The following PRKCH variants were observed in gnomAD, a reference collection of about 807,000 sequenced individuals.
PRKCH encodes protein kinase C eta.
In PRKCH, 28 loss-of-function variants were observed where a neutral mutation model predicts 82.5. The ratio of observed to expected loss-of-function variants is 0.34; its 90% CI spans 0.25 to 0.47. The LOEUF is 0.47. Among genes scored for constraint, PRKCH ranks in the 20% least tolerant of loss-of-function variants. The pLI is 1.00. For missense variants in PRKCH, 705 were observed against 881.8 expected, an observed-to-expected ratio of 0.80 and a Z score of 2.54; for synonymous variants, 322 against 327.4, an observed-to-expected ratio of 0.98 and a Z score of 0.18.
At chr14:61,527,961 GTCTC>G (rs1166625095) in intron 10 of PRKCH, 1 of 152,268 alleles carries the variant, frequency 6.6e-6, no homozygotes, top group African/African-American at 2.4e-5. Context: ...CTGTGAGGCT[GTCTC>G]TCTCTCCTCC....
chr14:61,280,383 G>A lies in PRKCH; in HGVS notation c.-19+92715G>A, dbSNP rs748577348. The stretch of plus-strand genomic sequence containing the variant: ...TGCGGAACGTGGGCAGCGCCGCCGT[G>A]CGCATCCACACCACGAAGTCCTGAT... On this transcript the variant is annotated intron_variant, in intron 1 of 3. Transcript: ENST00000555185. This position sits in a 1 kb window ranked among gnomAD's most constrained non-coding sequence, Gnocchi z 5.0. 2 of 1,614,000 alleles carry A rather than the reference G, an allele frequency of 1.2e-6. No homozygotes were observed. Among genetic ancestry groups the A allele is most frequent in the Middle Eastern group, 1.6e-4 (1 of 6,062 alleles).
rs928014204 is a variant in PRKCH at position 61,433,539 on chromosome 14, G to A, written c.428-9572G>A. Among the ~76,000 whole-genome samples, 2 of 152,138 alleles carry A rather than the reference G, an allele frequency of 1.3e-5. 1 individual carries two copies. The highest frequency in any genetic ancestry group is 4.1e-4 in the South Asian group (2 of 4,826). ...TCAACCTGGGCTTGAAGGCTGGGGTGGGGGTAGAGAGAACAGTCCCTGAGC... is the reference window on the plus strand; with the variant it reads ...TCAACCTGGGCTTGAAGGCTGGGGTAGGGGTAGAGAGAACAGTCCCTGAGC... On this transcript the variant is annotated intron_variant, in intron 2 of 13. Transcript: ENST00000332981.
chr14:61,444,300 G>A (rs923699763), intron 3 of PRKCH, among the ~76,000 whole-genome samples: 8 of 152,042 alleles, frequency 5.3e-5, no homozygotes, highest in African/African-American at 1.7e-4. Flanking sequence ...AGCAGCCCTG[G>A]CGTCTTTGAG....
intron 10 of PRKCH, among the ~76,000 whole-genome samples, chr14:61,512,758 A>C (rs1348775044): frequency 6.6e-6 from 1 of 152,144 alleles, no homozygotes; most frequent in African/African-American, 2.4e-5. Context: ...CCAGCCACAC[A>C]CATTAGTCAC....
At chr14:61,226,566 C>T (rs2044697904) in intron 1 of PRKCH, among the ~76,000 whole-genome samples, 1 of 152,166 alleles carries the variant, frequency 6.6e-6, no homozygotes, top group South Asian at 2.1e-4. Context: ...GTGTCCTGCT[C>T]CTTTTGGTTT....
chr14:61,501,489 G>A (rs1023285095), intron 10 of PRKCH, among the ~76,000 whole-genome samples: 3 of 151,190 alleles, frequency 2.0e-5, no homozygotes, highest in Non-Finnish European at 4.4e-5. Context: ...AGTCTCGTAC[G>A]TTTCCTCATT....
rs1181648475 is a variant in PRKCH, at chr14:61,470,644, A to G, written c.1278+12965A>G. The stretch of plus-strand genomic sequence containing the variant: ...GGCTTCCAATTCTTAGTTATAGCAA[A>G]AGAGCCTGTATTTTTTAGCTCACTC... On this transcript the variant is annotated intron_variant, in intron 9 of 13. Coordinates refer to ENST00000332981, the MANE Select transcript of PRKCH (RefSeq NM_006255.5). Among the ~76,000 whole-genome samples, 5 of 151,968 alleles carry G rather than the reference A, an allele frequency of 3.3e-5. No individual in the cohort carries two copies. The East Asian group carries it at 9.6e-4, about 29-fold the overall frequency.
chr14:61,262,845 A>G (rs2045061785), intron 1 of PRKCH, among the ~76,000 whole-genome samples: 1 of 149,844 alleles, frequency 6.7e-6, no homozygotes, highest in African/African-American at 2.6e-5. Context: ...AAGGATACAT[A>G]TGAATGTATG....
Position 61,190,950 on chromosome 14 carries a change from A to G in PRKCH, c.-19+3282A>G, listed in dbSNP as rs1029247666. On this transcript the variant is annotated intron_variant, in intron 1 of 3. Transcript: ENST00000555185. ...GAATGAACCCACAATTTAGGGTGAAAAAAATAACTTGTAAACAACCAGCTC... is the reference window on the plus strand; with the variant it reads ...GAATGAACCCACAATTTAGGGTGAAGAAAATAACTTGTAAACAACCAGCTC... 4.6e-5 allele frequency among the ~76,000 whole-genome samples: 7 copies of G among 152,356 alleles called. 1 individual carries two copies. Among genetic ancestry groups the G allele is most frequent in the Admixed American group, 1.3e-4 (2 of 15,304 alleles).
chr14:61,485,467 C>T (rs761007697), intron 9 of PRKCH, 35 bp from the exon 10 acceptor site: 16 of 1,606,154 alleles, frequency 1.0e-5, no homozygotes, highest in Admixed American at 5.1e-5. Flanking sequence ...TTAATTGCTA[C>T]ACCACATTGG....
chr14:61,452,272 C>T (rs551185593), intron 6 of PRKCH, among the ~76,000 whole-genome samples: 2 of 152,276 alleles, frequency 1.3e-5, no homozygotes, highest in African/African-American at 4.8e-5. Flanking sequence ...GCTCCTCTCT[C>T]TCAAGGGCAC....
At chr14:61,494,401 C>G (rs1474663682) in intron 10 of PRKCH, among the ~76,000 whole-genome samples, 1 of 152,342 alleles carries the variant, frequency 6.6e-6, no homozygotes, top group African/African-American at 2.4e-5. Flanking sequence ...AGAAAAAGAT[C>G]ACTTACTTTA....
At chr14:61,312,178 C>T (rs1447414833) in intron 1 of PRKCH, among the ~76,000 whole-genome samples, 1 of 152,162 alleles carries the variant, frequency 6.6e-6, no homozygotes, top group Non-Finnish European at 1.5e-5. Flanking sequence ...CCTTAATTTA[C>T]CTACTTTACT....
intron 10 of PRKCH, among the ~76,000 whole-genome samples, chr14:61,487,303 T>C (rs1010813264): frequency 2.0e-5 from 3 of 152,176 alleles, no homozygotes; most frequent in African/African-American, 7.2e-5. Context: ...AGCCACCTGT[T>C]TGAAAGCAGT....
At chr14:61,249,002 A>G (rs893704411) in intron 1 of PRKCH, among the ~76,000 whole-genome samples, 1 of 152,018 alleles carries the variant, frequency 6.6e-6, no homozygotes, top group Non-Finnish European at 1.5e-5. Flanking sequence ...GGGTTTCGCC[A>G]TGTTTACCTG....
chr14:61,515,964 T>C (rs1255697554), intron 10 of PRKCH, among the ~76,000 whole-genome samples: 1 of 152,146 alleles, frequency 6.6e-6, no homozygotes, highest in Admixed American at 6.5e-5. Context: ...AGGCAGGAAC[T>C]GTTGTTATCT....
upstream of PRKCH, among the ~76,000 whole-genome samples, chr14:61,316,658 GT>G (rs2045563871): frequency 6.6e-6 from 1 of 152,244 alleles, no homozygotes; most frequent in Non-Finnish European, 1.5e-5. Context: ...CATAGGAGAA[GT>G]TGGTATTGGC....
At chr14:61,517,334 A>G (rs1179167410) in intron 10 of PRKCH, among the ~76,000 whole-genome samples, 4 of 152,188 alleles carry the variant, frequency 2.6e-5, no homozygotes, top group Admixed American at 6.5e-5. Context: ...AAAAGTTCCA[A>G]CGCTGGCAAA....
chr14:61,318,747 G>A (rs2045584013), upstream of PRKCH, among the ~76,000 whole-genome samples: 2 of 151,722 alleles, frequency 1.3e-5, no homozygotes, highest in Admixed American at 1.3e-4. Context: ...TCATAAACTG[G>A]TCTCCCCACA....
Sources: gnomAD v4.1 joint callset for allele counts (sites outside exome capture counted in the v4.1 genomes callset) on GRCh38, gnomAD v4.1.1 for gene constraint, Gnocchi (gnomAD v3.1) non-coding constraint, MANE v1.5 for transcripts, NCBI Gene and HGNC (gene_info 2026-07-23, HGNC 2026-07-21) for gene names.